Variants in STX7 observed in about 807,000 individuals in gnomAD.
The protein encoded by STX7 is syntaxin 7.
A neutral mutation model predicts 39.6 loss-of-function variants in STX7; 34 were observed. That is an observed-to-expected ratio of 0.86 (90% confidence interval 0.65 to 1.14). The LOEUF (loss-of-function observed/expected upper bound fraction) is 1.14, where lower values mean the gene tolerates loss of function less well. Among genes scored for constraint, STX7 ranks in the 50% most tolerant of loss-of-function variants. STX7 has a pLI of 0.00. For missense variants in STX7, 284 were observed against 310.4 expected (o/e 0.92, Z 0.64); for synonymous variants, 119 against 99.1 (o/e 1.20, Z -1.19).
chr6:132,493,795 A>C (rs1775354055), intron 2 of STX7, among the ~76,000 whole-genome samples: 1 of 152,256 alleles, frequency 6.6e-6, no homozygotes, highest in Admixed American at 6.5e-5. Context: ...ACAGGAAACC[A>C]AAACTAAATG....
At chr6:132,507,593 T>C (rs1775737651) in intron 1 of STX7, among the ~76,000 whole-genome samples, 1 of 152,244 alleles carries the variant, frequency 6.6e-6, no homozygotes. Flanking sequence ...TTCTTTCTCT[T>C]AGTATGCTTC....
At chr6:132,477,186 G>C (rs565860592) in intron 2 of STX7, among the ~76,000 whole-genome samples, 1 of 152,142 alleles carries the variant, frequency 6.6e-6, no homozygotes, top group East Asian at 1.9e-4. Context: ...TTTGGGGGTT[G>C]ATTTTTCCTT....
In STX7 at chr6:132,472,234, G is replaced by GT. The variant is rs776077100; in HGVS notation, c.249+47dup. 13 of 1,470,972 alleles carry GT rather than the reference G, an allele frequency of 8.8e-6. No homozygotes were observed. In the South Asian group the frequency reaches 1.2e-4, roughly 14 times the overall value. The allele number at this position is 1,470,972 out of a possible 1,614,324, so 91.1% of individuals were successfully genotyped here. ...GTTCAAAGATCCTACAGTGCACTGG[G>GT]TTTTTTTCACATTCAATACATCAAC... On this transcript the variant is annotated intron_variant, in intron 4 of 9. Transcript: ENST00000367941.
chr6:132,501,977 C>G (rs1775573070), intron 2 of STX7, among the ~76,000 whole-genome samples: 1 of 152,088 alleles, frequency 6.6e-6, no homozygotes, highest in Non-Finnish European at 1.5e-5. Context: ...TGGCCTGTGA[C>G]AAACTGCAGC....
rs2876188 is a variant in STX7, at chr6:132,460,381, A to G, written c.*377T>C. 0.21 allele frequency: 32,458 copies of G among 156,614 alleles called. 3,421 individuals carry two copies. Among genetic ancestry groups the G allele is most frequent in the Middle Eastern group, 0.27 (85 of 312 alleles). The allele number at this position is 156,614 out of a possible 1,614,324, so 9.7% of individuals were successfully genotyped here. ...TTGAGAATTTTAATTGAAGTAACAC[A>G]CATCTAGGTGTGTCACAGTGACAGG... On this transcript the variant is annotated 3_prime_UTR_variant, in exon 10 of 10. Coordinates refer to ENST00000367941, the MANE Select transcript of STX7 (RefSeq NM_003569.3).
At chr6:132,477,055 G>A (rs1030653394) in intron 2 of STX7, among the ~76,000 whole-genome samples, 3 of 152,048 alleles carry the variant, frequency 2.0e-5, no homozygotes, top group South Asian at 2.1e-4. Context: ...TTTGGTCACC[G>A]CGAATGATGT....
In STX7 at chr6:132,460,513, C is replaced by A; in HGVS notation, c.*245G>T. 3.1e-6 allele frequency: 1 copy of A among 327,448 alleles called. No individual in the cohort carries two copies. The highest frequency in any genetic ancestry group is 5.5e-6 in the Non-Finnish European group (1 of 180,346). The allele number at this position is 327,448 out of a possible 1,614,324, so 20.3% of individuals were successfully genotyped here. On this transcript the variant is annotated 3_prime_UTR_variant, in exon 10 of 10. Coordinates refer to ENST00000367941, the MANE Select transcript of STX7 (RefSeq NM_003569.3). ...AAGGCATATGCAATGTGGGCAAAAA[C>A]TTAACAACTATTAAATTGAAGACCA...
chr6:132,465,288 C>T (rs1024610319), intron 8 of STX7, among the ~76,000 whole-genome samples: 5 of 152,126 alleles, frequency 3.3e-5, no homozygotes, highest in African/African-American at 1.2e-4. Flanking sequence ...TGATCACCAC[C>T]TTCTATCTCT....
At position 132,459,791 on chromosome 6, in the gene STX7, G is replaced by A. The variant is rs572556914; in HGVS notation, c.*967C>T. ...AATGAAGGATGACACAAAATGGCACGCAAGGTAAACACTAAATTTTGTCAG... is the reference window on the plus strand; with the variant it reads ...AATGAAGGATGACACAAAATGGCACACAAGGTAAACACTAAATTTTGTCAG... On this transcript the variant is annotated 3_prime_UTR_variant, in exon 10 of 10. Coordinates refer to ENST00000367941, the MANE Select transcript of STX7 (RefSeq NM_003569.3). 20 of 152,214 alleles carry A rather than the reference G, an allele frequency of 1.3e-4. No individual in the cohort carries two copies. Among genetic ancestry groups the A allele is most frequent in the African/African-American group, 3.9e-4 (16 of 41,550 alleles). The allele number at this position is 152,214 out of a possible 1,614,324, so 9.4% of individuals were successfully genotyped here.
chr6:132,508,684 A>AT (rs898361379), intron 1 of STX7, among the ~76,000 whole-genome samples: 3 of 151,634 alleles, frequency 2.0e-5, no homozygotes, highest in Non-Finnish European at 2.9e-5. Flanking sequence ...TAATTTTTTG[A>AT]TTTTTTTATA....
At position 132,478,890 on chromosome 6, in the gene STX7, T is replaced by A. The variant is rs572769844; in HGVS notation, c.86-3228A>T. Among the ~76,000 whole-genome samples the A allele has an allele frequency of 2.6e-5, 4 of 152,328 alleles. No homozygotes were observed. The South Asian group carries it at 8.3e-4, about 32-fold the overall frequency. ...AGGCTTATCTCACGGTTATGCACAC[T>A]GTCTATCTTTGTACTACAATTTCGT... On this transcript the variant is annotated intron_variant, in intron 2 of 9. Transcript: ENST00000367941.
In STX7 at chr6:132,459,787, G is replaced by A. The variant is rs1012698904; in HGVS notation, c.*971C>T. On this transcript the variant is annotated 3_prime_UTR_variant, in exon 10 of 10. Coordinates refer to ENST00000367941, the MANE Select transcript of STX7 (RefSeq NM_003569.3). ...TTTTAATGAAGGATGACACAAAATG[G>A]CACGCAAGGTAAACACTAAATTTTG... is the stretch of plus-strand genomic sequence containing the variant. 3.3e-5 allele frequency: 5 copies of A among 152,118 alleles called. No individual in the cohort carries two copies. Among genetic ancestry groups the A allele is most frequent in the African/African-American group, 1.2e-4 (5 of 41,426 alleles). The allele number at this position is 152,118 out of a possible 1,614,324, so 9.4% of individuals were successfully genotyped here.
chr6:132,490,627 G>A (rs1775256022), intron 2 of STX7, among the ~76,000 whole-genome samples: 1 of 152,158 alleles, frequency 6.6e-6, no homozygotes, highest in Admixed American at 6.5e-5. Flanking sequence ...AAGCCGTATG[G>A]GTGGGGCGGA....
In STX7 at chr6:132,452,695, G is replaced by A. The variant is rs903883185; in HGVS notation, c.*8063C>T. The A allele has an allele frequency of 1.3e-5, 2 of 151,790 alleles. No individual in the cohort carries two copies. The highest frequency in any genetic ancestry group is 6.6e-5 in the Admixed American group (1 of 15,260). 9.4% of individuals were successfully genotyped at this position (151,790 alleles called of 1,614,324 possible). A position where few individuals can be genotyped will look rare whatever the true frequency, so the allele number is the denominator to read the frequency against. On this transcript the variant is annotated 3_prime_UTR_variant, in exon 10 of 10. Coordinates refer to ENST00000367941, the MANE Select transcript of STX7 (RefSeq NM_003569.3). ...AAAACATGTACAGACCTTGTATGCT[G>A]AAAACCACACAATACTGATGAAGGA...
chr6:132,472,295 G>A lies in STX7; in HGVS notation c.236C>T (p.Thr79Ile), dbSNP rs772408320. 3 of 1,612,834 alleles carry A rather than the reference G, an allele frequency of 1.9e-6. No homozygotes were observed. The highest frequency in any genetic ancestry group is 2.5e-6 in the Non-Finnish European group (3 of 1,179,560). ...YIKEFGSLPT[T>I]PSEQRQRKIQ... ...AAAGCTTGATACCTGTTCACTGGGG[G>A]TGGTGGGCAGAGATCCAAACTCTTT... The change falls in exon 4 of 10, where the codon ACC becomes ATC. Residue 79 changes from threonine (T) to isoleucine (I), a missense_variant. Coordinates refer to ENST00000367941, the MANE Select transcript of STX7 (RefSeq NM_003569.3).
At chr6:132,479,762 A>C (rs531004937) in intron 2 of STX7, among the ~76,000 whole-genome samples, 1 of 152,126 alleles carries the variant, frequency 6.6e-6, no homozygotes, top group Admixed American at 6.6e-5. Flanking sequence ...TACTCTATTA[A>C]ATCATTTTTG....
At chr6:132,480,280 G>A (rs1488507420) in intron 2 of STX7, among the ~76,000 whole-genome samples, 1 of 152,160 alleles carries the variant, frequency 6.6e-6, no homozygotes, top group Non-Finnish European at 1.5e-5. Flanking sequence ...GGCCTACTGA[G>A]ACTCAATCCT....
At chr6:132,501,121 G>C (rs1046101292) in intron 2 of STX7, among the ~76,000 whole-genome samples, 1 of 150,934 alleles carries the variant, frequency 6.6e-6, no homozygotes, top group Non-Finnish European at 1.5e-5. Context: ...GTTCAATGGC[G>C]TGATCACTGC....
At chr6:132,508,561 A>G (rs2114487000) in intron 1 of STX7, among the ~76,000 whole-genome samples, 1 of 152,284 alleles carries the variant, frequency 6.6e-6, no homozygotes, top group South Asian at 2.1e-4. Flanking sequence ...CCCAGGCTGG[A>G]GTGCAGTGGT....
Sources: gnomAD v4.1 joint callset for allele counts (sites outside exome capture counted in the v4.1 genomes callset) on GRCh38, gnomAD v4.1.1 for gene constraint, MANE v1.5 for transcripts, NCBI Gene and HGNC (gene_info 2026-07-23, HGNC 2026-07-21) for gene names.